The following HS6ST1 variants were observed in gnomAD, a reference collection of about 807,000 sequenced individuals.
HS6ST1 encodes heparan-sulfate 6-O-sulfotransferase 1.
HS6ST1 carries 3 observed loss-of-function variants against 25.2 expected under a neutral mutation model. That is an observed-to-expected ratio of 0.12 (90% CI 0.05 to 0.31). The LOEUF is 0.31. HS6ST1 is among the 10% of genes least tolerant of loss of function. HS6ST1 has a pLI of 1.00. For missense variants in HS6ST1, 310 were observed against 609.6 expected, an observed-to-expected ratio of 0.51 and a Z score of 5.18; for synonymous variants, 204 against 275.1, an observed-to-expected ratio of 0.74 and a Z score of 2.56.
At chr2:128,317,505 A>T (rs1694390089) in intron 1 of HS6ST1, among the ~76,000 whole-genome samples, 1 of 152,218 alleles carries the variant, frequency 6.6e-6, no homozygotes. Flanking sequence ...ACACACCGGC[A>T]GGCAGGCGGG....
chr2:128,272,714 C>T (rs906249901), intron 1 of HS6ST1, among the ~76,000 whole-genome samples: 4 of 151,918 alleles, frequency 2.6e-5, no homozygotes, highest in African/African-American at 7.2e-5. Context: ...TGAAATGACT[C>T]GGGTTTTTTG....
chr2:128,282,184 G>A (rs985672931), intron 1 of HS6ST1, among the ~76,000 whole-genome samples: 1 of 152,218 alleles, frequency 6.6e-6, no homozygotes, highest in South Asian at 2.1e-4. Flanking sequence ...ATCACAGCCC[G>A]TTTCCTTAGA....
intron 1 of HS6ST1, among the ~76,000 whole-genome samples, chr2:128,276,353 C>A (rs1373812563): frequency 6.6e-6 from 1 of 152,188 alleles, no homozygotes; most frequent in East Asian, 1.9e-4. Context: ...CCAGGCTGGT[C>A]TCGAACTCCT....
chr2:128,275,302 G>GGTGA (rs1693676531), intron 1 of HS6ST1, among the ~76,000 whole-genome samples: 1 of 152,106 alleles, frequency 6.6e-6, no homozygotes, highest in Admixed American at 6.5e-5. Context: ...TGATGGGTGG[G>GGTGA]GTGAGGACAG....
At chr2:128,299,334 C>T (rs1694087813) in intron 1 of HS6ST1, among the ~76,000 whole-genome samples, 1 of 152,238 alleles carries the variant, frequency 6.6e-6, no homozygotes, top group African/African-American at 2.4e-5. Context: ...TCAGCAGGAG[C>T]GAGCCCTCTG....
chr2:128,300,418 G>A (rs1483697013), intron 1 of HS6ST1, among the ~76,000 whole-genome samples: 4 of 152,164 alleles, frequency 2.6e-5, no homozygotes, highest in African/African-American at 7.2e-5. Flanking sequence ...TCCACAGTAC[G>A]CCTGCCCCCA....
intron 1 of HS6ST1, among the ~76,000 whole-genome samples, chr2:128,291,195 CT>C (rs1032279395): frequency 2.2e-4 from 33 of 150,704 alleles, no homozygotes; most frequent in African/African-American, 7.7e-4. Context: ...GTAGAGTCCC[CT>C]TGCCTGTCCT....
chr2:128,299,069 G>C (rs1694082332), intron 1 of HS6ST1, among the ~76,000 whole-genome samples: 1 of 152,232 alleles, frequency 6.6e-6, no homozygotes, highest in African/African-American at 2.4e-5. Flanking sequence ...GCCTCAGATG[G>C]GGCAGAAACA....
intron 1 of HS6ST1, among the ~76,000 whole-genome samples, chr2:128,302,667 G>A (rs1694150522): frequency 6.6e-6 from 1 of 152,124 alleles, no homozygotes; most frequent in African/African-American, 2.4e-5. Flanking sequence ...AGCTGCACTT[G>A]GGATGCTCCC....
At chr2:128,304,411 C>T (rs1694177179) in intron 1 of HS6ST1, among the ~76,000 whole-genome samples, 2 of 152,234 alleles carry the variant, frequency 1.3e-5, no homozygotes, top group African/African-American at 4.8e-5. Flanking sequence ...AGAGGAGGGC[C>T]TCTAGCCCCT....
intron 1 of HS6ST1, among the ~76,000 whole-genome samples, chr2:128,313,373 C>G (rs1694319090): frequency 1.3e-5 from 2 of 152,182 alleles, no homozygotes; most frequent in Admixed American, 1.3e-4. Flanking sequence ...CAGAGCGGAG[C>G]AGCTGCAGCC....
intron 1 of HS6ST1, among the ~76,000 whole-genome samples, chr2:128,315,042 C>T (rs1381988924): frequency 1.3e-5 from 2 of 152,168 alleles, no homozygotes; most frequent in East Asian, 1.9e-4. Context: ...GAATGGCTGG[C>T]CATTTGGCTG....
intron 1 of HS6ST1, among the ~76,000 whole-genome samples, chr2:128,309,948 C>T (rs919904369): frequency 2.6e-5 from 4 of 152,346 alleles, no homozygotes; most frequent in South Asian, 2.1e-4. Context: ...GCGGTCACCA[C>T]GGTCACAGTT....
At chr2:128,286,512 G>T (rs1693863136) in intron 1 of HS6ST1, among the ~76,000 whole-genome samples, 1 of 152,214 alleles carries the variant, frequency 6.6e-6, no homozygotes, top group Non-Finnish European at 1.5e-5. Flanking sequence ...AGGCCGGGCA[G>T]GGCCCCTGGG....
At chr2:128,307,833 G>A (rs1694235294) in intron 1 of HS6ST1, among the ~76,000 whole-genome samples, 1 of 152,180 alleles carries the variant, frequency 6.6e-6, no homozygotes, top group Non-Finnish European at 1.5e-5. Context: ...CACTCCTAGG[G>A]ACACATAGGG....
chr2:128,278,829 T>C (rs954046770), intron 1 of HS6ST1, among the ~76,000 whole-genome samples: 3 of 152,186 alleles, frequency 2.0e-5, no homozygotes, highest in Non-Finnish European at 2.9e-5. Context: ...AGATAATGAA[T>C]TTTTTTCAAC....
intron 1 of HS6ST1, among the ~76,000 whole-genome samples, chr2:128,302,318 A>T (rs1694144425): frequency 6.6e-6 from 1 of 152,176 alleles, no homozygotes; most frequent in Admixed American, 6.5e-5. Flanking sequence ...GGAGCTGTGC[A>T]GCCAAGGCTG....
chr2:128,270,278 G>A (rs1174689976), intron 1 of HS6ST1, among the ~76,000 whole-genome samples: 1 of 152,214 alleles, frequency 6.6e-6, no homozygotes, highest in African/African-American at 2.4e-5. Flanking sequence ...GCAGGACTGA[G>A]CTGACGACCC....
rs1273251297 is a variant in HS6ST1 at position 128,266,856 on chromosome 2, A to AT, written c.*1305dup. The AT allele has an allele frequency of 6.6e-6, 1 of 152,240 alleles. No individual in the cohort carries two copies. Among genetic ancestry groups the AT allele is most frequent in the Non-Finnish European group, 1.5e-5 (1 of 68,126 alleles). 9.4% of individuals were successfully genotyped at this position (152,240 alleles called of 1,614,324 possible). The stretch of plus-strand genomic sequence containing the variant: ...CACGTGCTTACAACGGATATGCAAC[A>AT]TGGCTTTTGGTAGGGCCATTGCAGC... On this transcript the variant is annotated 3_prime_UTR_variant, in exon 2 of 2. Transcript: ENST00000259241.
Sources: allele counts gnomAD v4.1 joint callset (sites outside exome capture counted in the v4.1 genomes callset), GRCh38; gene constraint gnomAD v4.1.1; transcripts MANE v1.5; gene names NCBI Gene and HGNC (gene_info 2026-07-23, HGNC 2026-07-21).